The following ABLIM1 variants were observed in gnomAD, a reference collection of about 807,000 sequenced individuals.
ABLIM1 encodes actin binding LIM protein 1.
ABLIM1 carries 40 observed loss-of-function variants against 107.0 expected under a neutral mutation model. The ratio of observed to expected loss-of-function variants is 0.37; its 90% CI spans 0.29 to 0.49. The LOEUF (loss-of-function observed/expected upper bound fraction) is 0.49, where lower values mean the gene tolerates loss of function less well. Ranked by LOEUF, ABLIM1 falls within the 20% of genes least tolerant of loss-of-function variation. ABLIM1 has a pLI of 0.97. For synonymous variants in ABLIM1, 357 were observed against 357.3 expected (o/e 1.00, Z 0.01); for missense variants, 857 against 1,008.5 (o/e 0.85, Z 2.04).
rs1431917428 is a variant in ABLIM1, at chr10:114,601,860, T to C, written c.346A>G (p.Lys116Glu). 15 of 1,614,040 alleles carry C rather than the reference T, an allele frequency of 9.3e-6. No individual in the cohort carries two copies. The highest frequency in any genetic ancestry group is 2.7e-5 in the African/African-American group (2 of 74,914). The change falls in exon 2 of 23, where the codon AAA (lysine) becomes GAA (glutamate). Residue 116 changes from lysine to glutamate, a missense_variant. By Grantham distance (56) the Lys-to-Glu change is moderately conservative (BLOSUM62 1). Coordinates refer to ENST00000533213, the MANE Select transcript of ABLIM1 (RefSeq NM_002313.7). Reference protein sequence around the residue: ...CKGEVLRVQTKHFHIKCFTCK... With the variant: ...CKGEVLRVQTEHFHIKCFTCK... The stretch of plus-strand genomic sequence containing the variant: ...GTGAAACACTTGATGTGGAAATGTT[T>C]GGTCTGGACCCGAAGCACTTCACCC...
chr10:114,643,782 C>T (rs571706694), intron 1 of ABLIM1, among the ~76,000 whole-genome samples: 3 of 151,940 alleles, frequency 2.0e-5, no homozygotes, highest in African/African-American at 4.8e-5. Flanking sequence ...CACTACATTG[C>T]CCAGGCTAGG....
At chr10:114,733,149 A>G (rs2082110692) in intron 1 of ABLIM1, among the ~76,000 whole-genome samples, 1 of 152,176 alleles carries the variant, frequency 6.6e-6, no homozygotes, top group South Asian at 2.1e-4. Flanking sequence ...AGGAAGTGAC[A>G]CAATCTCATT....
chr10:114,446,580 G>C (rs925038153), intron 15 of ABLIM1, among the ~76,000 whole-genome samples: 1 of 152,178 alleles, frequency 6.6e-6, no homozygotes, highest in South Asian at 2.1e-4. Context: ...TTAGTTTTCA[G>C]CATTTTGATT....
intron 8 of ABLIM1, chr10:114,485,361 G>A (rs773019057): frequency 6.2e-7 from 1 of 1,612,754 alleles, no homozygotes; most frequent in Non-Finnish European, 8.5e-7. Context: ...ATCGGATGAA[G>A]AACGCCGAAT....
At chr10:114,777,178 A>G in the ABLIM1 span, among the ~76,000 whole-genome samples, 1 of 152,068 alleles carries the variant, frequency 6.6e-6, no homozygotes, top group Non-Finnish European at 1.5e-5. Flanking sequence ...GTCCTCAAAT[A>G]GATTAACTCT....
intron 2 of ABLIM1, among the ~76,000 whole-genome samples, chr10:114,582,310 G>A (rs1057122122): frequency 2.6e-5 from 4 of 152,050 alleles, no homozygotes; most frequent in Non-Finnish European, 4.4e-5. Context: ...TAACCAAAGA[G>A]GTGCAAGATG....
chr10:114,671,580 C>A (rs1288134743), intron 1 of ABLIM1, among the ~76,000 whole-genome samples: 1 of 152,210 alleles, frequency 6.6e-6, no homozygotes, highest in Non-Finnish European at 1.5e-5. Flanking sequence ...ATACTCCCAC[C>A]AGCAATGTAG....
chr10:114,564,729 A>G (rs922193824), intron 4 of ABLIM1, among the ~76,000 whole-genome samples: 4 of 152,214 alleles, frequency 2.6e-5, no homozygotes, highest in African/African-American at 7.2e-5. Flanking sequence ...CCAACCCTAC[A>G]TGACTAGGAA....
chr10:114,490,972 A>ATGTGTGTG (rs1565576792), intron 7 of ABLIM1, among the ~76,000 whole-genome samples: 10 of 85,030 alleles, frequency 1.2e-4, no homozygotes, highest in South Asian at 5.0e-4. Context: ...CCCGGCATAT[A>ATGTGTGTG]TATGTGTGTG....
intron 1 of ABLIM1, among the ~76,000 whole-genome samples, chr10:114,624,331 A>T (rs2077652451): frequency 6.6e-6 from 1 of 152,196 alleles, no homozygotes; most frequent in Admixed American, 6.5e-5. Flanking sequence ...GATGGCAAAG[A>T]GGGCCACCTC....
At chr10:114,721,625 G>T (rs1401839498) in intron 1 of ABLIM1, among the ~76,000 whole-genome samples, 1 of 152,032 alleles carries the variant, frequency 6.6e-6, no homozygotes, top group African/African-American at 2.4e-5. Flanking sequence ...GAGATTACAG[G>T]CATGCACCAC....
the ABLIM1 span, among the ~76,000 whole-genome samples, chr10:114,798,564 C>CT: frequency 1.0e-4 from 15 of 149,198 alleles, no homozygotes; most frequent in East Asian, 3.9e-4. Flanking sequence ...AGACCCCCCC[C>CT]CCATGTCTAC....
chr10:114,673,599 G>A (rs1339678674), intron 1 of ABLIM1, among the ~76,000 whole-genome samples: 1 of 152,176 alleles, frequency 6.6e-6, no homozygotes. Context: ...TTATTTATCA[G>A]CCAGGCCTCC....
At chr10:114,601,486 G>A (rs1218302149) in intron 2 of ABLIM1, among the ~76,000 whole-genome samples, 3 of 151,868 alleles carry the variant, frequency 2.0e-5, no homozygotes, top group Admixed American at 6.6e-5. Flanking sequence ...GGCTGGTCTC[G>A]AACTCTTGAC....
chr10:114,485,229 G>A (rs2058011474), intron 8 of ABLIM1: 2 of 1,282,646 alleles, frequency 1.6e-6, no homozygotes, highest in Non-Finnish European at 2.1e-6. Context: ...AAGCAGCCCA[G>A]GGGAAAAGCA....
chr10:114,470,072 G>A (rs1361951603), intron 10 of ABLIM1, among the ~76,000 whole-genome samples: 1 of 152,142 alleles, frequency 6.6e-6, no homozygotes, highest in Non-Finnish European at 1.5e-5. Context: ...GCAAGGCCCT[G>A]GAGGCACCAA....
chr10:114,799,220 G>A, the ABLIM1 span, among the ~76,000 whole-genome samples: 1 of 152,192 alleles, frequency 6.6e-6, no homozygotes, highest in Non-Finnish European at 1.5e-5. Context: ...CCAATTCCCA[G>A]CCTCCAAATC....
chr10:114,631,034 G>A (rs10885588), intron 1 of ABLIM1, among the ~76,000 whole-genome samples: 12,184 of 152,278 alleles, frequency 0.08, 911 homozygotes, highest in East Asian at 0.42. Flanking sequence ...CTAGAGAGGA[G>A]AGGGGAATTG....
chr10:114,462,259 C>G (rs2064096567), intron 12 of ABLIM1, among the ~76,000 whole-genome samples: 1 of 152,132 alleles, frequency 6.6e-6, no homozygotes, highest in Admixed American at 6.5e-5. Flanking sequence ...CTCCTTCCTC[C>G]TTCAGCTATT....
Sources: gnomAD v4.1 joint callset for allele counts (sites outside exome capture counted in the v4.1 genomes callset) on GRCh38, gnomAD v4.1.1 for gene constraint, MANE v1.5 for transcripts, NCBI Gene and HGNC (gene_info 2026-07-23, HGNC 2026-07-21) for gene names.